COL11A1: variants seen among roughly 807,000 people sequenced by gnomAD.
COL11A1 encodes the protein collagen alpha-1(XI) chain.
In COL11A1, 74 loss-of-function variants were observed where a neutral mutation model predicts 265.2. The observed-to-expected ratio is 0.28, with a 90% CI of 0.23 to 0.34. The LOEUF is 0.34. COL11A1 is among the 10% of genes least tolerant of loss of function. COL11A1 has a pLI of 1.00. For synonymous variants in COL11A1, 816 were observed against 727.6 expected (o/e 1.12, Z -1.96); for missense variants, 2,165 against 2,263.6 (o/e 0.96, Z 0.88).
chr1:102,929,436 G>C (rs1291655471), intron 46 of COL11A1, among the ~76,000 whole-genome samples: 1 of 151,780 alleles, frequency 6.6e-6, no homozygotes, highest in Non-Finnish European at 1.5e-5. Context: ...GCTCTGTTCT[G>C]TTCCATTGAT....
intron 4 of COL11A1, among the ~76,000 whole-genome samples, chr1:103,036,061 T>C (rs1213461287): frequency 6.6e-6 from 1 of 151,638 alleles, no homozygotes; most frequent in Non-Finnish European, 1.5e-5. Flanking sequence ...GAGGCACTAT[T>C]GAGTACATGA....
intron 4 of COL11A1, among the ~76,000 whole-genome samples, chr1:103,066,276 C>T (rs549578625): frequency 9.9e-5 from 15 of 151,608 alleles, no homozygotes; most frequent in South Asian, 6.2e-4. Context: ...TTAAAATATA[C>T]GATTATTTAA....
rs1662951747 is a variant in COL11A1 at position 102,980,678 on chromosome 1, AT to A, written c.2557-1244del. Among the ~76,000 whole-genome samples the A allele has an allele frequency of 3.3e-5, 5 of 152,216 alleles. No individual in the cohort carries two copies. In the South Asian group the frequency reaches 1.0e-3, roughly 32 times the overall value. On this transcript the variant is annotated intron_variant, in intron 31 of 66. Coordinates refer to ENST00000370096, the MANE Select transcript of COL11A1 (RefSeq NM_001854.4). ...TTCTTTTTTTAATCCACTCACTTGC[AT>A]TGAAATACCCCTAAAAATAATGTTT... is the stretch of plus-strand genomic sequence containing the variant.
chr1:103,025,860 T>C, intron 6 of COL11A1: 1 of 1,613,600 alleles, frequency 6.2e-7, no homozygotes. Context: ...TGGATGAAAA[T>C]TTTTCAGATT....
intron 41 of COL11A1, among the ~76,000 whole-genome samples, chr1:102,954,174 T>C (rs1002933639): frequency 6.6e-6 from 1 of 152,208 alleles, no homozygotes; most frequent in East Asian, 1.9e-4. Context: ...TCTTTACTTG[T>C]GTATTAGCTT....
At chr1:103,038,942 A>G (rs549434637) in intron 4 of COL11A1, among the ~76,000 whole-genome samples, 197 of 152,316 alleles carry the variant, frequency 1.3e-3, no homozygotes, top group African/African-American at 4.1e-3. Context: ...AATATGGAGC[A>G]AAGTGTTAAC....
At chr1:103,035,292 C>CT in intron 4 of COL11A1, among the ~76,000 whole-genome samples, 1 of 151,958 alleles carries the variant, frequency 6.6e-6, no homozygotes, top group South Asian at 2.1e-4. Flanking sequence ...AGCTGATCCC[C>CT]TTTTGATCCA....
chr1:102,928,551 C>T lies in COL11A1; in HGVS notation c.3601-5162G>A, dbSNP rs562554635. On this transcript the variant is annotated intron_variant, in intron 46 of 66. Coordinates refer to ENST00000370096, the MANE Select transcript of COL11A1 (RefSeq NM_001854.4). ...GTCTTTGCTGTTGTCAATAGTGCTACAATAAACATACGTGTGCATGTACAG... is the reference window on the plus strand; with the variant it reads ...GTCTTTGCTGTTGTCAATAGTGCTATAATAAACATACGTGTGCATGTACAG... Among the ~76,000 whole-genome samples the T allele has an allele frequency of 6.4e-4, 97 of 152,264 alleles. 1 individual carries two copies. Among genetic ancestry groups the T allele is most frequent in the African/African-American group, 2.3e-3 (96 of 41,546 alleles).
At chr1:102,976,923 T>C (rs2616015) in intron 35 of COL11A1, among the ~76,000 whole-genome samples, 9,432 of 152,118 alleles carry the variant, frequency 0.062, 598 homozygotes, top group African/African-American at 0.16. Context: ...ATAACCAGCA[T>C]CCATGATCTG....
At chr1:103,014,629 G>A (rs1380515706) in intron 12 of COL11A1, 35 bp from the exon 13 acceptor site, 1 of 1,561,474 alleles carries the variant, frequency 6.4e-7, no homozygotes, top group Non-Finnish European at 8.8e-7. Context: ...TTCAAAATTA[G>A]CTTTGTCAAA....
intron 5 of COL11A1, among the ~76,000 whole-genome samples, chr1:103,029,098 C>T (rs1667783934): frequency 6.6e-6 from 1 of 151,874 alleles, no homozygotes. Context: ...AAGCATATAA[C>T]AATGTGAATC....
chr1:103,065,522 C>CA lies in COL11A1; in HGVS notation c.651+9095dup, dbSNP rs138446065. Among the ~76,000 whole-genome samples, 177 of 35,366 alleles carry CA rather than the reference C, an allele frequency of 5.0e-3. 25 individuals are homozygous for CA. Among genetic ancestry groups the CA allele is most frequent in the African/African-American group, 7.0e-3 (51 of 7,296 alleles). The allele number at this position is 35,366 out of a possible 152,430, so 23.2% of individuals were successfully genotyped here. A position where few individuals can be genotyped will look rare whatever the true frequency, so the allele number is the denominator to read the frequency against. On this transcript the variant is annotated intron_variant, in intron 4 of 66. Transcript: ENST00000370096. ...GCGACAGAAGAGCGAGACTCCGTCT[C>CA]AAAAAAAAAAAAAAAAAAAAAAAAA...
chr1:103,022,013 A>AT lies in COL11A1; in HGVS notation c.1246-245dup, dbSNP rs11381607. Among the ~76,000 whole-genome samples the AT allele has an allele frequency of 0.68, 95,126 of 139,468 alleles. 32,796 individuals are homozygous for AT. The highest frequency in any genetic ancestry group is 0.9 in the East Asian group (4,273 of 4,744). 91.5% of individuals were successfully genotyped at this position (139,468 alleles called of 152,430 possible). ...AGGCGCCCGCCACCACACCTAGCTAATTTTTTTTTTTTTTGTATTTTTAGT... is the reference window on the plus strand; with the variant it reads ...AGGCGCCCGCCACCACACCTAGCTAATTTTTTTTTTTTTTTGTATTTTTAGT... On this transcript the variant is annotated intron_variant, in intron 8 of 66. Coordinates refer to ENST00000370096, the MANE Select transcript of COL11A1 (RefSeq NM_001854.4).
chr1:103,014,454 TATA>T, intron 13 of COL11A1, 54 bp downstream of exon 13: 2 of 1,356,026 alleles, frequency 1.5e-6, no homozygotes, highest in Non-Finnish European at 1.1e-6. Flanking sequence ...TGTACACACA[TATA>T]TACTTGATAC....
intron 9 of COL11A1, among the ~76,000 whole-genome samples, chr1:103,019,953 G>A (rs1363144141): frequency 2.8e-5 from 4 of 144,950 alleles, no homozygotes; most frequent in Non-Finnish European, 6.1e-5. Context: ...ATTCCATGGT[G>A]TATATGTGCC....
At chr1:102,986,142 T>G (rs554525629) in intron 30 of COL11A1, among the ~76,000 whole-genome samples, 1 of 152,098 alleles carries the variant, frequency 6.6e-6, no homozygotes, top group Non-Finnish European at 1.5e-5. Context: ...CTATTCACAA[T>G]AGCAAAGACT....
intron 23 of COL11A1, 40 bp from the exon 24 acceptor site, chr1:103,002,009 T>A: frequency 1.3e-6 from 2 of 1,545,560 alleles, no homozygotes; most frequent in South Asian, 1.1e-5. Flanking sequence ...AGATATCAAA[T>A]CACAGTAATA....
intron 66 of COL11A1, among the ~76,000 whole-genome samples, chr1:102,879,471 A>G (rs1053750184): frequency 7.9e-5 from 12 of 152,210 alleles, no homozygotes; most frequent in African/African-American, 2.9e-4. Flanking sequence ...GTATGCCTTT[A>G]AAAATGTTTC....
chr1:103,094,586 C>G (rs561185690), intron 1 of COL11A1, among the ~76,000 whole-genome samples: 9 of 151,976 alleles, frequency 5.9e-5, no homozygotes, highest in Non-Finnish European at 1.2e-4. Context: ...AAGATCAGCC[C>G]CTTGTCTTCC....
Sources: allele counts gnomAD v4.1 joint callset (sites outside exome capture counted in the v4.1 genomes callset), GRCh38; gene constraint gnomAD v4.1.1; transcripts MANE v1.5; gene names NCBI Gene and HGNC (gene_info 2026-07-23, HGNC 2026-07-21).